GALNT10: variants seen among roughly 807,000 people sequenced by gnomAD.
GALNT10 encodes the protein polypeptide N-acetylgalactosaminyltransferase 10, also known as GalNAc transferase 10.
GALNT10 carries 41 observed loss-of-function variants against 75.0 expected under a neutral mutation model. That is an observed-to-expected ratio of 0.55 (90% CI 0.43 to 0.71). The LOEUF (loss-of-function observed/expected upper bound fraction) is 0.71, where lower values mean the gene tolerates loss of function less well. Among genes scored for constraint, GALNT10 ranks in the 30% least tolerant of loss-of-function variants. The pLI, the probability that GALNT10 is intolerant of heterozygous loss-of-function variation, is 0.00. For synonymous variants in GALNT10, 302 were observed against 313.0 expected (o/e 0.96, Z 0.37); for missense variants, 727 against 818.5 (o/e 0.89, Z 1.36).
intron 1 of GALNT10, among the ~76,000 whole-genome samples, chr5:154,194,348 A>T (rs1161629324): frequency 6.6e-6 from 1 of 152,192 alleles, no homozygotes; most frequent in Non-Finnish European, 1.5e-5. Context: ...TGCCCATCAG[A>T]AAGTTAAGTA....
intron 7 of GALNT10, among the ~76,000 whole-genome samples, chr5:154,396,785 A>G (rs181641965): frequency 1.4e-4 from 22 of 152,288 alleles, no homozygotes; most frequent in African/African-American, 4.3e-4. Flanking sequence ...AGATAGTCCT[A>G]TGTTTAATTT....
chr5:154,393,694 G>A (rs1235042853), intron 7 of GALNT10, among the ~76,000 whole-genome samples: 1 of 151,906 alleles, frequency 6.6e-6, no homozygotes, highest in African/African-American at 2.4e-5. Context: ...TAATTAGCTG[G>A]GCATGGTGGT....
intron 9 of GALNT10, among the ~76,000 whole-genome samples, chr5:154,411,019 G>C (rs1233491827): frequency 6.6e-6 from 1 of 152,208 alleles, no homozygotes; most frequent in Non-Finnish European, 1.5e-5. Context: ...TTTGCAAGCA[G>C]ACGAGCATGC....
intron 1 of GALNT10, among the ~76,000 whole-genome samples, chr5:154,223,652 G>T (rs1238497901): frequency 6.6e-6 from 1 of 152,188 alleles, no homozygotes; most frequent in Non-Finnish European, 1.5e-5. Flanking sequence ...GGGTGCAGTG[G>T]CTCACACCTG....
At chr5:154,254,676 A>G (rs1021230410) in intron 1 of GALNT10, among the ~76,000 whole-genome samples, 1 of 152,122 alleles carries the variant, frequency 6.6e-6, no homozygotes, top group Non-Finnish European at 1.5e-5. Flanking sequence ...ATTCTGATCA[A>G]TTGATAATGA....
At chr5:154,319,718 T>C (rs1754646963) in intron 3 of GALNT10, among the ~76,000 whole-genome samples, 1 of 152,244 alleles carries the variant, frequency 6.6e-6, no homozygotes, top group Non-Finnish European at 1.5e-5. Context: ...CTGTGGCTCC[T>C]TTCTGAGGAC....
chr5:154,202,982 AG>A, intron 1 of GALNT10, among the ~76,000 whole-genome samples: 1 of 152,372 alleles, frequency 6.6e-6, no homozygotes, highest in South Asian at 2.1e-4. Context: ...AAGCCCTGCC[AG>A]GGAACAATGG....
intron 8 of GALNT10, among the ~76,000 whole-genome samples, chr5:154,408,511 G>A (rs879702388): frequency 6.6e-6 from 1 of 152,000 alleles, no homozygotes; most frequent in Non-Finnish European, 1.5e-5. Context: ...CTCACTGGGT[G>A]GGGTCTACAC....
chr5:154,367,041 T>A (rs1431248490), intron 4 of GALNT10, among the ~76,000 whole-genome samples: 2 of 152,070 alleles, frequency 1.3e-5, no homozygotes, highest in Non-Finnish European at 2.9e-5. Context: ...GGTCATAAAA[T>A]CAGTTTACAG....
At chr5:154,252,967 G>GT (rs1753547182) in intron 1 of GALNT10, among the ~76,000 whole-genome samples, 1 of 74,240 alleles carries the variant, frequency 1.3e-5, no homozygotes, top group Non-Finnish European at 2.9e-5. Flanking sequence ...GGCATTAACT[G>GT]TTTTTTGTTT....
intron 1 of GALNT10, among the ~76,000 whole-genome samples, chr5:154,288,574 C>G (rs149844844): frequency 7.4e-6 from 1 of 135,736 alleles, no homozygotes; most frequent in Non-Finnish European, 1.6e-5. Flanking sequence ...ATTGATTCTG[C>G]CAGTCTCCTC....
Position 154,409,804 on chromosome 5 carries a change from G to A in GALNT10, c.1386+42G>A. On this transcript the variant is annotated intron_variant, in intron 9 of 11. Coordinates refer to ENST00000297107, the MANE Select transcript of GALNT10 (RefSeq NM_198321.4). This position sits in a 1 kb window ranked among gnomAD's most constrained non-coding sequence, Gnocchi z 4.5. Reference sequence around the variant, plus strand: ...GGGCTGGCTCCATAATTTAATGGGTGTGCAAAATGCAAATGCAGATCCCAT... The same window carrying A: ...GGGCTGGCTCCATAATTTAATGGGTATGCAAAATGCAAATGCAGATCCCAT... The A allele has an allele frequency of 7.7e-7, 1 of 1,303,902 alleles. No homozygotes were observed. The highest frequency in any genetic ancestry group is 1.1e-6 in the Non-Finnish European group (1 of 898,616). 80.8% of individuals were successfully genotyped at this position (1,303,902 alleles called of 1,614,324 possible). A position where few individuals can be genotyped will look rare whatever the true frequency, so the allele number is the denominator to read the frequency against.
intron 7 of GALNT10, among the ~76,000 whole-genome samples, chr5:154,403,444 C>T (rs1368723010): frequency 1.3e-5 from 2 of 152,182 alleles, no homozygotes; most frequent in Non-Finnish European, 1.5e-5. Context: ...TCCCACACTG[C>T]GGCAAGACCC....
chr5:154,393,144 C>G (rs1048125539), intron 7 of GALNT10: 1 of 150,738 alleles, frequency 6.6e-6, no homozygotes, highest in South Asian at 2.1e-4. Flanking sequence ...GTGATCAGAG[C>G]TCACTGCAGC....
intron 3 of GALNT10, among the ~76,000 whole-genome samples, chr5:154,308,472 G>C (rs1211159556): frequency 6.6e-6 from 1 of 152,204 alleles, no homozygotes; most frequent in Non-Finnish European, 1.5e-5. Flanking sequence ...CCTGGGGCAA[G>C]AAAGGGCAGG....
intron 3 of GALNT10, among the ~76,000 whole-genome samples, chr5:154,329,042 G>T (rs1236613684): frequency 6.6e-6 from 1 of 152,036 alleles, no homozygotes; most frequent in Non-Finnish European, 1.5e-5. Context: ...CCCGCCTCCT[G>T]GAGCCCACCA....
At chr5:154,317,995 C>A (rs569422404) in intron 3 of GALNT10, among the ~76,000 whole-genome samples, 1 of 152,226 alleles carries the variant, frequency 6.6e-6, no homozygotes, top group Non-Finnish European at 1.5e-5. Context: ...AAAGAACTTG[C>A]GTCTTTCCCA....
rs528540324 is a variant in GALNT10 at position 154,288,611 on chromosome 5, T to C, written c.160-6205T>C. On this transcript the variant is annotated intron_variant, in intron 1 of 11. Transcript: ENST00000297107. The stretch of plus-strand genomic sequence containing the variant: ...ACACACTCTCCCTCACTTCTTGCCA[T>C]GTTCCTTCCTAACCCCTTTGCTTCC... Among the ~76,000 whole-genome samples the C allele has an allele frequency of 1.2e-4, 19 of 152,250 alleles. 1 individual carries two copies. The East Asian group carries it at 3.3e-3, about 26-fold the overall frequency.
chr5:154,385,646 G>A (rs1431583781), intron 6 of GALNT10, among the ~76,000 whole-genome samples: 2 of 152,148 alleles, frequency 1.3e-5, no homozygotes, highest in Admixed American at 6.5e-5. Flanking sequence ...CATTGACCTC[G>A]AGATTCTTCC....
Sources: gnomAD v4.1 joint callset for allele counts (sites outside exome capture counted in the v4.1 genomes callset) on GRCh38, gnomAD v4.1.1 for gene constraint, Gnocchi (gnomAD v3.1) non-coding constraint, MANE v1.5 for transcripts, NCBI Gene and HGNC (gene_info 2026-07-23, HGNC 2026-07-21) for gene names.